WSCD2: variants seen among roughly 807,000 people sequenced by gnomAD.
The protein encoded by WSCD2 is WSC domain sialate O sulfotransferase 2, also known as sialate:O-sulfotransferase 2.
A neutral mutation model predicts 55.7 loss-of-function variants in WSCD2; 28 were observed. The observed-to-expected ratio is 0.50, with a 90% CI of 0.37 to 0.69. WSCD2 has a LOEUF of 0.69. Ranked by LOEUF, WSCD2 falls within the 30% of genes least tolerant of loss-of-function variation. The pLI, the probability that WSCD2 is intolerant of heterozygous loss-of-function variation, is 0.00. For synonymous variants in WSCD2, 301 were observed against 301.9 expected, an observed-to-expected ratio of 1.00 and a Z score of 0.03; for missense variants, 616 against 762.1, an observed-to-expected ratio of 0.81 and a Z score of 2.26.
chr12:108,137,486 G>C (rs572659184), intron 1 of WSCD2, among the ~76,000 whole-genome samples: 3 of 152,234 alleles, frequency 2.0e-5, no homozygotes, highest in Admixed American at 1.3e-4. Flanking sequence ...GAATGGTAGA[G>C]AGTGCACAGT....
chr12:108,203,677 TC>T (rs1349205497), intron 2 of WSCD2, among the ~76,000 whole-genome samples: 1 of 152,160 alleles, frequency 6.6e-6, no homozygotes, highest in Non-Finnish European at 1.5e-5. Context: ...ACATCTTTAC[TC>T]CCATTAATTT....
intron 1 of WSCD2, among the ~76,000 whole-genome samples, chr12:108,177,605 G>T (rs1322163459): frequency 6.6e-6 from 1 of 152,128 alleles, no homozygotes; most frequent in Non-Finnish European, 1.5e-5. Context: ...AGCTTCCTTT[G>T]TTCAACATTG....
At chr12:108,221,400 C>T (rs1887502113) in intron 4 of WSCD2, among the ~76,000 whole-genome samples, 1 of 152,098 alleles carries the variant, frequency 6.6e-6, no homozygotes, top group African/African-American at 2.4e-5. Flanking sequence ...ACTAAAAATA[C>T]AAAAATTGAG....
At chr12:108,163,604 C>T (rs879866119) in intron 1 of WSCD2, among the ~76,000 whole-genome samples, 3 of 152,064 alleles carry the variant, frequency 2.0e-5, no homozygotes, top group Admixed American at 6.5e-5. Context: ...CCACTGTCAT[C>T]GCAAGGATCT....
intron 3 of WSCD2, among the ~76,000 whole-genome samples, chr12:108,209,580 G>A (rs1885856131): frequency 6.6e-6 from 1 of 152,108 alleles, no homozygotes; most frequent in Non-Finnish European, 1.5e-5. Flanking sequence ...TGAAGATGAA[G>A]GCAGGTGGAT....
chr12:108,217,688 C>T (rs982848770), intron 4 of WSCD2, among the ~76,000 whole-genome samples: 34 of 152,198 alleles, frequency 2.2e-4, no homozygotes, highest in African/African-American at 7.7e-4. Context: ...ATATCTTCCA[C>T]CCAGGAGATT....
chr12:108,166,892 A>G lies in WSCD2; in HGVS notation c.-551-28390A>G, dbSNP rs556878608. Among the ~76,000 whole-genome samples, 11 of 146,652 alleles carry G rather than the reference A, an allele frequency of 7.5e-5. 1 individual carries two copies. Among genetic ancestry groups the G allele is most frequent in the African/African-American group, 2.8e-4 (11 of 39,678 alleles). Reference sequence around the variant, plus strand: ...AGTTCCATGATCTTGGCTCACTGCAACCTCCGCCTCCCGGATCCAAGTGAT... The same window carrying G: ...AGTTCCATGATCTTGGCTCACTGCAGCCTCCGCCTCCCGGATCCAAGTGAT... On this transcript the variant is annotated intron_variant, in intron 1 of 8. Transcript: ENST00000547525.
chr12:108,177,430 C>T (rs1161483288), intron 1 of WSCD2, among the ~76,000 whole-genome samples: 1 of 152,086 alleles, frequency 6.6e-6, no homozygotes, highest in Non-Finnish European at 1.5e-5. Flanking sequence ...GCCAGACTTA[C>T]CCAGTCAAAT....
chr12:108,213,082 G>C (rs919626758), intron 4 of WSCD2, among the ~76,000 whole-genome samples: 1 of 152,180 alleles, frequency 6.6e-6, no homozygotes, highest in African/African-American at 2.4e-5. Flanking sequence ...AGAGTGCAGG[G>C]ACCATTCATT....
chr12:108,225,375 T>A (rs1202418970), intron 5 of WSCD2, among the ~76,000 whole-genome samples: 3 of 152,142 alleles, frequency 2.0e-5, no homozygotes, highest in Non-Finnish European at 4.4e-5. Context: ...CCCACCCCCA[T>A]GATTCAGTTA....
intron 4 of WSCD2, among the ~76,000 whole-genome samples, chr12:108,220,300 C>A (rs1262885948): frequency 1.3e-5 from 2 of 152,194 alleles, no homozygotes; most frequent in Non-Finnish European, 1.5e-5. Context: ...TTACACAATG[C>A]CTGGCACTTG....
intron 1 of WSCD2, chr12:108,189,612 T>C (rs1244437169): frequency 1.3e-5 from 2 of 152,192 alleles, no homozygotes. Context: ...ACATTAAGTG[T>C]TGGTGTGGAT....
chr12:108,219,952 C>A (rs545320684), intron 4 of WSCD2, among the ~76,000 whole-genome samples: 1 of 152,308 alleles, frequency 6.6e-6, no homozygotes, highest in Admixed American at 6.5e-5. Context: ...TAATCAGACT[C>A]CAGTGTCAGG....
At chr12:108,202,619 G>C (rs961740939) in intron 2 of WSCD2, among the ~76,000 whole-genome samples, 1 of 152,164 alleles carries the variant, frequency 6.6e-6, no homozygotes, top group African/African-American at 2.4e-5. Flanking sequence ...ACCAAATACT[G>C]CACGTTCTCA....
Position 108,248,450 on chromosome 12 carries a change from A to G in WSCD2, c.*107A>G. 6.8e-7 allele frequency: 1 copy of G among 1,461,622 alleles called. No homozygotes were observed. Among genetic ancestry groups the G allele is most frequent in the Non-Finnish European group, 9.0e-7 (1 of 1,108,020 alleles). 90.5% of individuals were successfully genotyped at this position (1,461,622 alleles called of 1,614,324 possible). A position where few individuals can be genotyped will look rare whatever the true frequency, so the allele number is the denominator to read the frequency against. On this transcript the variant is annotated 3_prime_UTR_variant, in exon 9 of 9. Transcript: ENST00000547525. The surrounding 1 kb of genome is among the most constrained non-coding windows in gnomAD (Gnocchi z 4.3). Reference sequence around the variant, plus strand: ...CATCTGTCCTCTCTTTGGTCTGGGGACAATCCCCTTGGCTGCTCTTTGCCT... The same window carrying G: ...CATCTGTCCTCTCTTTGGTCTGGGGGCAATCCCCTTGGCTGCTCTTTGCCT...
At chr12:108,162,590 T>A (rs546825198) in intron 1 of WSCD2, among the ~76,000 whole-genome samples, 7 of 152,340 alleles carry the variant, frequency 4.6e-5, no homozygotes, top group African/African-American at 1.7e-4. Context: ...AAATTCCATC[T>A]CTGATAAATG....
At chr12:108,178,957 T>A (rs946186880) in intron 1 of WSCD2, among the ~76,000 whole-genome samples, 4 of 152,210 alleles carry the variant, frequency 2.6e-5, no homozygotes, top group African/African-American at 9.7e-5. Context: ...AAGGAGATAC[T>A]GTCCACTTAA....
intron 4 of WSCD2, among the ~76,000 whole-genome samples, chr12:108,219,517 A>G (rs1887235351): frequency 1.3e-5 from 2 of 151,998 alleles, no homozygotes; most frequent in Admixed American, 6.6e-5. Context: ...TGCCCAAACA[A>G]TCTCAGTGCA....
chr12:108,202,264 A>G (rs998920213), intron 2 of WSCD2, among the ~76,000 whole-genome samples: 1 of 152,128 alleles, frequency 6.6e-6, no homozygotes, highest in South Asian at 2.1e-4. Flanking sequence ...AAGGAAACTG[A>G]CTCAATATTG....
Sources: gnomAD v4.1 joint callset for allele counts (sites outside exome capture counted in the v4.1 genomes callset) on GRCh38, gnomAD v4.1.1 for gene constraint, Gnocchi (gnomAD v3.1) non-coding constraint, MANE v1.5 for transcripts, NCBI Gene and HGNC (gene_info 2026-07-23, HGNC 2026-07-21) for gene names.